PTPRQ: variants seen among roughly 807,000 people sequenced by gnomAD.
The protein encoded by PTPRQ is protein tyrosine phosphatase receptor type Q.
Under a neutral mutation model 246.0 loss-of-function variants are expected in PTPRQ, and 199 were observed. The ratio of observed to expected loss-of-function variants is 0.81; its 90% CI spans 0.72 to 0.91. The LOEUF (loss-of-function observed/expected upper bound fraction) is 0.91, where lower values mean the gene tolerates loss of function less well. Among genes scored for constraint, PTPRQ ranks in the 40% least tolerant of loss-of-function variants. The pLI, the probability that PTPRQ is intolerant of heterozygous loss-of-function variation, is 0.00. For synonymous variants in PTPRQ, 869 were observed against 853.2 expected (o/e 1.02, Z -0.32); for missense variants, 2,624 against 2,528.4 (o/e 1.04, Z -0.81).
At chr12:80,585,231 T>C (rs1193658915) in intron 25 of PTPRQ, among the ~76,000 whole-genome samples, 2 of 152,134 alleles carry the variant, frequency 1.3e-5, no homozygotes, top group Non-Finnish European at 2.9e-5. Context: ...TCTTGATTAA[T>C]AGTGACTTCA....
chr12:80,477,536 G>C (rs546569882), intron 8 of PTPRQ, among the ~76,000 whole-genome samples: 1 of 152,144 alleles, frequency 6.6e-6, no homozygotes, highest in African/African-American at 2.4e-5. Flanking sequence ...AGGCAAGATG[G>C]CCGAATAGGA....
chr12:80,564,025 G>GT (rs547850343), intron 25 of PTPRQ, among the ~76,000 whole-genome samples: 20 of 151,576 alleles, frequency 1.3e-4, no homozygotes, highest in East Asian at 9.7e-4. Flanking sequence ...AGACTGCACT[G>GT]TTTTTTTTGT....
chr12:80,487,471 A>T lies in PTPRQ; in HGVS notation c.1359+2866A>T, dbSNP rs994547229. On this transcript the variant is annotated intron_variant, in intron 9 of 44. Coordinates refer to ENST00000644991, the MANE Select transcript of PTPRQ (RefSeq NM_001145026.2). The stretch of plus-strand genomic sequence containing the variant: ...TTTCTAATCCCTCTGACTGGACATA[A>T]CACAAATCTCTGACCTCAAGGTCAT... Among the ~76,000 whole-genome samples the T allele has an allele frequency of 2.6e-5, 4 of 152,116 alleles. No homozygotes were observed. The East Asian group carries it at 7.7e-4, about 29-fold the overall frequency.
intron 32 of PTPRQ, 100 bp downstream of exon 32, chr12:80,620,476 G>C (rs902187288): frequency 4.7e-6 from 7 of 1,486,284 alleles, no homozygotes; most frequent in Admixed American, 2.4e-5. Context: ...ATAAGCACTG[G>C]ATGTCCGCCA....
chr12:80,479,438 A>G (rs1463956893), intron 8 of PTPRQ, among the ~76,000 whole-genome samples: 1 of 151,660 alleles, frequency 6.6e-6, no homozygotes, highest in Non-Finnish European at 1.5e-5. Context: ...AAATGTAAAG[A>G]CCATCGAGAC....
chr12:80,616,464 A>G (rs879677568), intron 30 of PTPRQ, among the ~76,000 whole-genome samples, 198 bp downstream of exon 30: 1 of 151,040 alleles, frequency 6.6e-6, no homozygotes, highest in Admixed American at 6.6e-5. Flanking sequence ...CATGTTAAAT[A>G]AGGAGAATGT....
In PTPRQ at chr12:80,542,127, C is replaced by A. The variant is rs201270285; in HGVS notation, c.3484C>A (p.Leu1162Ile). 13 of 1,549,656 alleles carry A rather than the reference C, an allele frequency of 8.4e-6. No individual in the cohort carries two copies. The highest frequency in any genetic ancestry group is 3.9e-5 in the Admixed American group (2 of 50,746). ...ACCAATAATCAACACTTTTAAAAAC[C>A]TTTCCTCTACCTCAGTTCTCTTATC... Reference protein sequence around the residue: ...TSPIINTFKNLSSTSVLLSWD... With the variant: ...TSPIINTFKNISSTSVLLSWD... Residue 1162 changes from leucine to isoleucine, a missense_variant, in exon 22 of 45, where the codon CTT becomes ATT. Transcript: ENST00000644991.
chr12:80,621,819 G>C (rs961703831), intron 32 of PTPRQ, among the ~76,000 whole-genome samples: 1 of 151,892 alleles, frequency 6.6e-6, no homozygotes, highest in Non-Finnish European at 1.5e-5. Context: ...AACTGCTCAC[G>C]AGTTTACCAA....
chr12:80,444,349 G>A lies in PTPRQ; in HGVS notation c.4G>A (p.Asp2Asn). The A allele has an allele frequency of 6.9e-7, 1 of 1,442,036 alleles. No homozygotes were observed. Among genetic ancestry groups the A allele is most frequent in the Non-Finnish European group, 9.5e-7 (1 of 1,050,898 alleles). The allele number at this position is 1,442,036 out of a possible 1,614,324, so 89.3% of individuals were successfully genotyped here. A position where few individuals can be genotyped will look rare whatever the true frequency, so the allele number is the denominator to read the frequency against. ...CTGGCTGAAAAATGTAATAAAGATG[G>A]ATTTTCTTATCATTTTTCTTTTACT... M[D>N]FLIIFLLLFI... Residue 2 changes from aspartate to asparagine, a missense_variant, in exon 1 of 45, where the codon GAT becomes AAT. Physicochemically the swap from Asp to Asn is conservative, Grantham distance 23 (BLOSUM62 1). Coordinates refer to ENST00000644991, the MANE Select transcript of PTPRQ (RefSeq NM_001145026.2).
intron 8 of PTPRQ, among the ~76,000 whole-genome samples, chr12:80,479,984 G>A (rs1391655387): frequency 6.6e-6 from 1 of 151,790 alleles, no homozygotes; most frequent in South Asian, 2.1e-4. Flanking sequence ...AGTCAACAAG[G>A]ATACCCAGGA....
intron 35 of PTPRQ, among the ~76,000 whole-genome samples, chr12:80,635,851 A>G (rs1457248594): frequency 6.6e-6 from 1 of 152,178 alleles, no homozygotes; most frequent in Admixed American, 6.5e-5. Context: ...TTATAAGCAC[A>G]AAGTAGTTGT....
chr12:80,454,829 T>C (rs1444217811), intron 3 of PTPRQ, among the ~76,000 whole-genome samples: 1 of 152,242 alleles, frequency 6.6e-6, no homozygotes, highest in Non-Finnish European at 1.5e-5. Flanking sequence ...CGAAATTATT[T>C]AATTCAAACT....
intron 25 of PTPRQ, among the ~76,000 whole-genome samples, chr12:80,563,543 G>A (rs1411182201): frequency 1.3e-5 from 2 of 152,202 alleles, no homozygotes; most frequent in Admixed American, 6.5e-5. Flanking sequence ...TCAGACCAAA[G>A]CAGTTTTCTT....
At chr12:80,533,762 C>A in intron 17 of PTPRQ, among the ~76,000 whole-genome samples, 1 of 151,912 alleles carries the variant, frequency 6.6e-6, no homozygotes, top group African/African-American at 2.4e-5. Flanking sequence ...TTGGTCCAAG[C>A]AAACTCTAAT....
Position 80,673,109 on chromosome 12 carries a change from CCCCA to C in PTPRQ, c.6603-59_6603-56del, listed in dbSNP as rs998183677. 11 of 1,538,374 alleles carry C rather than the reference CCCCA, an allele frequency of 7.2e-6. No individual in the cohort carries two copies. In the African/African-American group the frequency reaches 9.7e-5, roughly 14 times the overall value. ...TGCTATCATAGCTCATTATCTTTATCCCCATCAAAATGAACAACCCTTTGCTGAA... is the reference window on the plus strand; with the variant it reads ...TGCTATCATAGCTCATTATCTTTATCTCAAAATGAACAACCCTTTGCTGAA... On this transcript the variant is annotated intron_variant, in intron 42 of 44. Coordinates refer to ENST00000644991, the MANE Select transcript of PTPRQ (RefSeq NM_001145026.2).
At chr12:80,588,599 G>T (rs1897694251) in intron 26 of PTPRQ, 147 bp downstream of exon 26, 4 of 984,272 alleles carry the variant, frequency 4.1e-6, no homozygotes, top group South Asian at 9.6e-5. Context: ...GACATATTTA[G>T]TTTTAATTTA....
rs1446772078 is a variant in PTPRQ, at chr12:80,444,748, T to C, written c.62T>C (p.Val21Ala). The C allele has an allele frequency of 2.6e-6, 4 of 1,538,572 alleles. No individual in the cohort carries two copies. The Admixed American group carries it at 7.9e-5, about 30-fold the overall frequency. The change falls in exon 2 of 45, where the codon GTT becomes GCT. Residue 21 changes from valine (V) to alanine (A), a missense_variant. Val to Ala is a moderately conservative substitution (Grantham distance 64). Transcript: ENST00000644991. The part of the protein sequence containing the change: ...FIGTSETQVD[V>A]SNVVPGTRYD... Reference sequence around the variant, plus strand: ...TTGTTTGTGGTGTTCTAGGTTGATGTTTCCAATGTCGTTCCTGGTACTAGG... The same window carrying C: ...TTGTTTGTGGTGTTCTAGGTTGATGCTTCCAATGTCGTTCCTGGTACTAGG...
At chr12:80,480,157 A>G (rs1893985363) in intron 8 of PTPRQ, among the ~76,000 whole-genome samples, 1 of 152,146 alleles carries the variant, frequency 6.6e-6, no homozygotes, top group Non-Finnish European at 1.5e-5. Context: ...AAAGAACAGA[A>G]ATTATAACAA....
chr12:80,474,099 A>G (rs966393452), intron 8 of PTPRQ, among the ~76,000 whole-genome samples: 8 of 152,356 alleles, frequency 5.3e-5, no homozygotes, highest in Middle Eastern at 3.4e-3. Context: ...TACTTCTGAC[A>G]CCACTAATTA....
Sources: allele counts gnomAD v4.1 joint callset (sites outside exome capture counted in the v4.1 genomes callset), GRCh38; gene constraint gnomAD v4.1.1; transcripts MANE v1.5; gene names NCBI Gene and HGNC (gene_info 2026-07-23, HGNC 2026-07-21).